The following CLK3 variants were observed in gnomAD, a reference collection of about 807,000 sequenced individuals.
CLK3 encodes CDC like kinase 3, also known as dual specificity protein kinase CLK3.
A neutral mutation model predicts 65.2 loss-of-function variants in CLK3; 24 were observed. The observed-to-expected ratio is 0.37, with a 90% CI of 0.27 to 0.52. CLK3 has a LOEUF of 0.52. Ranked by LOEUF, CLK3 falls within the 20% of genes least tolerant of loss-of-function variation. The pLI is 0.92. For synonymous variants in CLK3, 252 were observed against 240.8 expected (o/e 1.05, Z -0.43); for missense variants, 506 against 660.0 (o/e 0.77, Z 2.56).
At chr15:74,613,445 GA>G (rs1267264664), upstream of CLK3, 1 of 152,252 alleles carries the variant, frequency 6.6e-6, no homozygotes, top group Non-Finnish European at 1.5e-5. Flanking sequence ...CCAAGTTTCT[GA>G]AAGGTGTGAA....
intron 2 of CLK3, 112 bp downstream of exon 2, chr15:74,619,460 C>A: frequency 8.2e-7 from 1 of 1,216,154 alleles, no homozygotes; most frequent in Non-Finnish European, 1.2e-6. Flanking sequence ...CCCTGGATCC[C>A]TGCCCTGTCC....
Position 74,629,949 on chromosome 15 carries a change from C to T in CLK3, c.*66C>T. 1.4e-6 allele frequency: 2 copies of T among 1,475,460 alleles called. No homozygotes were observed. The highest frequency in any genetic ancestry group is 1.8e-6 in the Non-Finnish European group (2 of 1,089,064). The allele number at this position is 1,475,460 out of a possible 1,614,324, so 91.4% of individuals were successfully genotyped here. The stretch of plus-strand genomic sequence containing the variant: ...GGGCCGCCCAGCCCCTTGACTCCAG[C>T]CTCGACCGCCAGGCCCCAGGCCAGA... On this transcript the variant is annotated 3_prime_UTR_variant, in exon 13 of 13. Transcript: ENST00000395066.
intron 12 of CLK3, chr15:74,629,410 C>G: frequency 1.9e-6 from 1 of 538,228 alleles, no homozygotes; most frequent in East Asian, 3.3e-5. Context: ...GCATTTGGTG[C>G]TCGGACAAGT....
upstream of CLK3, chr15:74,615,763 C>G: frequency 2.4e-6 from 3 of 1,240,464 alleles, no homozygotes; most frequent in Non-Finnish European, 2.0e-6. Context: ...GGCCTCCGAG[C>G]CGGGTCGAGC....
chr15:74,629,605 C>T, intron 12 of CLK3, 102 bp from the exon 13 acceptor site: 1 of 903,248 alleles, frequency 1.1e-6, no homozygotes, highest in Non-Finnish European at 1.7e-6. Flanking sequence ...GGCATCACTG[C>T]CTCCTCGATC....
chr15:74,609,924 G>A (rs531451852), intron 1 of CLK3, among the ~76,000 whole-genome samples: 1 of 152,258 alleles, frequency 6.6e-6, no homozygotes. Context: ...TCTGGTCTCA[G>A]TTTTCCCATC....
Position 74,627,863 on chromosome 15 carries a change from T to C in CLK3, c.1043-107T>C. On this transcript the variant is annotated intron_variant, in intron 9 of 12. Transcript: ENST00000395066. The surrounding 1 kb of genome is among the most constrained non-coding windows in gnomAD (Gnocchi z 4.3). ...GCCTTACTGAGAGAGGGCCTCGTAC[T>C]GGGATTTGGGCAAGAGTCCTGCCAG... 8.4e-7 allele frequency: 1 copy of C among 1,195,990 alleles called. No individual in the cohort carries two copies. The highest frequency in any genetic ancestry group is 1.2e-6 in the Non-Finnish European group (1 of 810,590). The allele number at this position is 1,195,990 out of a possible 1,614,324, so 74.1% of individuals were successfully genotyped here. A position where few individuals can be genotyped will look rare whatever the true frequency, so the allele number is the denominator to read the frequency against.
In CLK3 at chr15:74,625,005, A is replaced by C. The variant is rs1263656444; in HGVS notation, c.637A>C (p.Lys213Gln). ...GCTCAAAAAAATCAAGGAGAAGGAC[A>C]AAGAAAACAAGTTGTGAGTATCTGC... Reference protein sequence around the residue: ...NVLKKIKEKDKENKFLCVLMS... With the variant: ...NVLKKIKEKDQENKFLCVLMS... The change falls in exon 6 of 13, where the codon AAA (lysine) becomes CAA (glutamine). Residue 213 changes from lysine (K) to glutamine (Q), a missense_variant. Coordinates refer to ENST00000395066, the MANE Select transcript of CLK3 (RefSeq NM_001130028.2). 6.2e-7 allele frequency: 1 copy of C among 1,613,246 alleles called. No individual in the cohort carries two copies. Among genetic ancestry groups the C allele is most frequent in the African/African-American group, 1.3e-5 (1 of 74,882 alleles).
chr15:74,610,290 C>T (rs2061971914), intron 1 of CLK3, among the ~76,000 whole-genome samples: 1 of 152,252 alleles, frequency 6.6e-6, no homozygotes, highest in African/African-American at 2.4e-5. Flanking sequence ...CCCCACAGCC[C>T]AGCCCCACTC....
Position 74,621,853 on chromosome 15 carries a change from A to G in CLK3, c.370-267A>G. On this transcript the variant is annotated intron_variant, in intron 3 of 12. Transcript: ENST00000395066. This position sits in a 1 kb window ranked among gnomAD's most constrained non-coding sequence, Gnocchi z 4.8. ...CGTTTGTGGCGCTCCTCTTAAAGAT[A>G]ATGTCCGAGTTTTCTTTACATACCT... 2.2e-6 allele frequency: 1 copy of G among 455,980 alleles called. No homozygotes were observed. The highest frequency in any genetic ancestry group is 1.9e-5 in the South Asian group (1 of 53,554). 28.2% of individuals were successfully genotyped at this position (455,980 alleles called of 1,614,324 possible).
At chr15:74,615,725 G>A (rs550066987), upstream of CLK3, 558 of 1,238,860 alleles carry the variant, frequency 4.5e-4, 3 homozygotes, top group African/African-American at 7.8e-3. Context: ...GTGCCCCGGA[G>A]CCTTCGAGTC....
At chr15:74,615,935 C>T (rs2062054632) in intron 1 of CLK3, 37 bp downstream of exon 1, 21 of 1,230,392 alleles carry the variant, frequency 1.7e-5, no homozygotes, top group Non-Finnish European at 2.0e-5. Flanking sequence ...GCGACAGCGG[C>T]GGCGGCGGCC....
intron 12 of CLK3, 61 bp from the exon 13 acceptor site, chr15:74,629,646 G>T (rs2062177095): frequency 7.0e-7 from 1 of 1,433,358 alleles, no homozygotes; most frequent in Non-Finnish European, 9.7e-7. Flanking sequence ...GAGGCAAGGG[G>T]ACCTGCTGTG....
Position 74,627,115 on chromosome 15 carries a change from A to AGGGT in CLK3, c.818-237_818-236insGGGT, listed in dbSNP as rs1179987080. 1 of 612,790 alleles carries AGGGT rather than the reference A, an allele frequency of 1.6e-6. No homozygotes were observed. Among genetic ancestry groups the AGGGT allele is most frequent in the Non-Finnish European group, 3.0e-6 (1 of 328,640 alleles). 38.0% of individuals were successfully genotyped at this position (612,790 alleles called of 1,614,324 possible). A position where few individuals can be genotyped will look rare whatever the true frequency, so the allele number is the denominator to read the frequency against. ...AGGAGAGGTGGAGGGAGGTTTTTCG[A>AGGGT]ATGGCAAATTTCTTTCCTACCCCCC... On this transcript the variant is annotated intron_variant, in intron 7 of 12. Coordinates refer to ENST00000395066, the MANE Select transcript of CLK3 (RefSeq NM_001130028.2). The surrounding 1 kb of genome is among the most constrained non-coding windows in gnomAD (Gnocchi z 4.3).
At position 74,620,096 on chromosome 15, in the gene CLK3, A is replaced by G; in HGVS notation, c.240A>G (p.Gly80=). ...GTGAAGAGCGGAGCCCATCCTTTGG[A>G]GAGGACTACTATGGACCTTCACGTT... The part of the protein sequence containing the change: ...YRCEERSPSF[G]EDYYGPSRSR... The change falls in exon 3 of 13, where the codon GGA becomes GGG. Residue 80 remains glycine, a synonymous_variant. Transcript: ENST00000395066. 1 of 1,614,170 alleles carries G rather than the reference A, an allele frequency of 6.2e-7. No homozygotes were observed. Among genetic ancestry groups the G allele is most frequent in the Non-Finnish European group, 8.5e-7 (1 of 1,180,032 alleles).
rs1279828201 is a variant in CLK3 at position 74,628,907 on chromosome 15, A to G, written c.1206-35A>G. 6.2e-6 allele frequency: 9 copies of G among 1,461,892 alleles called. No individual in the cohort carries two copies. The African/African-American group carries it at 1.1e-4, about 18-fold the overall frequency. 90.6% of individuals were successfully genotyped at this position (1,461,892 alleles called of 1,614,324 possible). ...CCCACCAGAGGCTTGTCCCCTTACT[A>G]CTCCCACACTTGACTCCACCCCCTT... On this transcript the variant is annotated intron_variant, in intron 11 of 12. Transcript: ENST00000395066.
At chr15:74,619,021 C>G in intron 1 of CLK3, 176 bp from the exon 2 acceptor site, 1 of 678,994 alleles carries the variant, frequency 1.5e-6, no homozygotes. Flanking sequence ...TTCCTATTGT[C>G]TGCTGTTTGA....
At chr15:74,625,503 T>G (rs992820112) in intron 6 of CLK3, among the ~76,000 whole-genome samples, 5 of 152,154 alleles carry the variant, frequency 3.3e-5, no homozygotes, top group African/African-American at 1.2e-4. Context: ...TCAGCAACTC[T>G]GAGGCAGGGC....
At position 74,621,992 on chromosome 15, in the gene CLK3, A is replaced by G; in HGVS notation, c.370-128A>G. 1.2e-6 allele frequency: 1 copy of G among 800,720 alleles called. No individual in the cohort carries two copies. Among genetic ancestry groups the G allele is most frequent in the Non-Finnish European group, 2.2e-6 (1 of 464,390 alleles). The allele number at this position is 800,720 out of a possible 1,614,324, so 49.6% of individuals were successfully genotyped here. A position where few individuals can be genotyped will look rare whatever the true frequency, so the allele number is the denominator to read the frequency against. On this transcript the variant is annotated intron_variant, in intron 3 of 12. Coordinates refer to ENST00000395066, the MANE Select transcript of CLK3 (RefSeq NM_001130028.2). This position sits in a 1 kb window ranked among gnomAD's most constrained non-coding sequence, Gnocchi z 4.8. ...CTTATGAAATGCTGGGATCTGGAAA[A>G]TCCAACCAACCAACCCACCGGCTCC...
Sources: allele counts gnomAD v4.1 joint callset (sites outside exome capture counted in the v4.1 genomes callset), GRCh38; gene constraint gnomAD v4.1.1; non-coding constraint Gnocchi (gnomAD v3.1); transcripts MANE v1.5; gene names NCBI Gene and HGNC (gene_info 2026-07-23, HGNC 2026-07-21).